Variants in GRM1 observed in about 807,000 individuals in gnomAD.
GRM1 encodes glutamate metabotropic receptor 1.
GRM1 carries 33 observed loss-of-function variants against 90.9 expected under a neutral mutation model. The observed-to-expected ratio is 0.36, with a 90% CI of 0.28 to 0.49. The LOEUF is 0.49. GRM1 is among the 20% of genes least tolerant of loss of function. The pLI is 0.99. For missense variants in GRM1, 1,190 were observed against 1,534.3 expected, an observed-to-expected ratio of 0.78 and a Z score of 3.75; for synonymous variants, 700 against 613.2, an observed-to-expected ratio of 1.14 and a Z score of -2.09.
intron 2 of GRM1, among the ~76,000 whole-genome samples, chr6:146,247,064 T>G (rs1781084287): frequency 6.6e-6 from 1 of 152,224 alleles, no homozygotes; most frequent in African/African-American, 2.4e-5. Flanking sequence ...CTCACATTCC[T>G]GCTCCCATGC....
intron 2 of GRM1, among the ~76,000 whole-genome samples, chr6:146,294,040 A>G (rs1176634410): frequency 2.0e-5 from 3 of 151,504 alleles, no homozygotes; most frequent in Non-Finnish European, 3.0e-5. Flanking sequence ...TATTTCATTA[A>G]TGTTTTCTAA....
At chr6:146,055,175 T>C (rs1775441540) in intron 1 of GRM1, among the ~76,000 whole-genome samples, 1 of 152,142 alleles carries the variant, frequency 6.6e-6, no homozygotes. Flanking sequence ...GAATATCTGC[T>C]TACAGAATTA....
chr6:146,378,536 G>A (rs1174007224), intron 5 of GRM1, among the ~76,000 whole-genome samples: 1 of 152,162 alleles, frequency 6.6e-6, no homozygotes, highest in African/African-American at 2.4e-5. Flanking sequence ...ACTTGGATGG[G>A]GCCTGTAGCC....
chr6:146,031,210 G>T (rs1047128809), intron 1 of GRM1, among the ~76,000 whole-genome samples: 1 of 152,146 alleles, frequency 6.6e-6, no homozygotes, highest in Non-Finnish European at 1.5e-5. Flanking sequence ...TCTGAGCTCA[G>T]CTACTCTTAA....
chr6:146,364,590 G>T (rs924742736), intron 5 of GRM1, among the ~76,000 whole-genome samples: 1 of 152,056 alleles, frequency 6.6e-6, no homozygotes, highest in African/African-American at 2.4e-5. Context: ...TTCTTGTCCA[G>T]CTGTGTCTTA....
rs116302825 is a variant in GRM1, at chr6:146,315,046, C to A, written c.1186+10200C>A. On this transcript the variant is annotated intron_variant, in intron 3 of 7. Transcript: ENST00000282753. ...CACAAGTTATATTTATGGTATAGTT[C>A]CCATGTCTCTAGGCCACAGTAATGC... Among the ~76,000 whole-genome samples the A allele has an allele frequency of 7.8e-3, 1,180 of 152,190 alleles. 16 individuals are homozygous for A. Among genetic ancestry groups the A allele is most frequent in the African/African-American group, 0.027 (1,131 of 41,504 alleles).
intron 2 of GRM1, among the ~76,000 whole-genome samples, chr6:146,215,399 T>G (rs756416639): frequency 1.3e-5 from 2 of 152,138 alleles, no homozygotes; most frequent in East Asian, 3.9e-4. Flanking sequence ...CCACTCTCTG[T>G]TTTCTTTCTG....
intron 2 of GRM1, among the ~76,000 whole-genome samples, chr6:146,202,202 C>T (rs1324021349): frequency 6.6e-6 from 1 of 152,152 alleles, no homozygotes; most frequent in Non-Finnish European, 1.5e-5. Flanking sequence ...ATGTAGCTAT[C>T]CCATGCCTTA....
intron 7 of GRM1, among the ~76,000 whole-genome samples, chr6:146,400,631 T>A (rs1191946373): frequency 6.6e-6 from 1 of 152,156 alleles, no homozygotes; most frequent in African/African-American, 2.4e-5. Context: ...CTGTGACCCA[T>A]GAAAACAAAT....
rs982814555 is a variant in GRM1, at chr6:146,348,442, G to A, written c.1187-3808G>A. Among the ~76,000 whole-genome samples, 6 of 152,176 alleles carry A rather than the reference G, an allele frequency of 3.9e-5. No individual in the cohort carries two copies. In the South Asian group the frequency reaches 6.2e-4, roughly 16 times the overall value. On this transcript the variant is annotated intron_variant, in intron 3 of 7. Transcript: ENST00000282753. The stretch of plus-strand genomic sequence containing the variant: ...TAGTTTATTAGACTTGGGGCCAGCA[G>A]GGCTGAGACTGAGGTAGTAGCTGAA...
rs753934392 is a variant in GRM1 at position 146,434,586 on chromosome 6, AGAG to A, written c.3387_3389del (p.Glu1129del). ...GGAACACGGAAGAAGACGAACTGGA[AGAG>A]GAGGAGGAGGACCTGCAGGCGGCCA... is the stretch of plus-strand genomic sequence containing the variant. On this transcript the variant is annotated inframe_deletion, in exon 8 of 8. Transcript: ENST00000282753. 3.7e-6 allele frequency: 6 copies of A among 1,613,910 alleles called. No homozygotes were observed. The highest frequency in any genetic ancestry group is 2.2e-5 in the East Asian group (1 of 44,870).
chr6:146,056,288 G>A (rs73576928), intron 1 of GRM1, among the ~76,000 whole-genome samples: 1 of 152,138 alleles, frequency 6.6e-6, no homozygotes. Flanking sequence ...ACCTGAGTGA[G>A]TGGGAACTGG....
At chr6:146,182,924 G>A (rs1778601384) in intron 2 of GRM1, among the ~76,000 whole-genome samples, 1 of 152,056 alleles carries the variant, frequency 6.6e-6, no homozygotes, top group African/African-American at 2.4e-5. Flanking sequence ...TGTTCAATTT[G>A]TCAGGTATTC....
At chr6:146,123,305 G>C (rs565365478) in intron 1 of GRM1, among the ~76,000 whole-genome samples, 19 of 152,198 alleles carry the variant, frequency 1.2e-4, no homozygotes, top group Non-Finnish European at 2.4e-4. Flanking sequence ...CCCAGCGAAA[G>C]TGATTACAAT....
intron 2 of GRM1, among the ~76,000 whole-genome samples, chr6:146,182,978 T>C (rs1450320701): frequency 2.0e-5 from 3 of 152,162 alleles, no homozygotes; most frequent in African/African-American, 7.2e-5. Context: ...ATGAATTTAG[T>C]TACTACAGTA....
chr6:146,076,175 C>T (rs1251367001), intron 1 of GRM1, among the ~76,000 whole-genome samples: 1 of 152,090 alleles, frequency 6.6e-6, no homozygotes, highest in African/African-American at 2.4e-5. Flanking sequence ...ATTTATCTTG[C>T]ATAGGGTTAG....
chr6:146,212,037 G>T (rs1024739361), intron 2 of GRM1, among the ~76,000 whole-genome samples: 3 of 152,190 alleles, frequency 2.0e-5, no homozygotes, highest in African/African-American at 7.2e-5. Context: ...AGCAGAAGTT[G>T]CTGTCCACAG....
intron 2 of GRM1, among the ~76,000 whole-genome samples, chr6:146,167,136 T>C (rs979137945): frequency 6.6e-6 from 1 of 152,140 alleles, no homozygotes; most frequent in African/African-American, 2.4e-5. Flanking sequence ...GAAGGAATCA[T>C]ACAGAATGTA....
At chr6:146,368,157 G>A (rs1023939341) in intron 5 of GRM1, among the ~76,000 whole-genome samples, 2 of 148,868 alleles carry the variant, frequency 1.3e-5, no homozygotes. Context: ...TTCTTCTTCA[G>A]ATTGTTCACT....
Sources: gnomAD v4.1 joint callset for allele counts (sites outside exome capture counted in the v4.1 genomes callset) on GRCh38, gnomAD v4.1.1 for gene constraint, MANE v1.5 for transcripts, NCBI Gene and HGNC (gene_info 2026-07-23, HGNC 2026-07-21) for gene names.